The following PDE1C variants were observed in gnomAD, a reference collection of about 807,000 sequenced individuals.
The protein encoded by PDE1C is dual specificity calcium/calmodulin-dependent 3',5'-cyclic nucleotide phosphodiesterase 1C.
In PDE1C, 62 loss-of-function variants were observed where a neutral mutation model predicts 93.1. That is an observed-to-expected ratio of 0.67 (90% confidence interval 0.54 to 0.82). The LOEUF (loss-of-function observed/expected upper bound fraction) is 0.82, where lower values mean the gene tolerates loss of function less well. Among genes scored for constraint, PDE1C ranks in the 40% least tolerant of loss-of-function variants. The pLI is 0.00. For missense variants in PDE1C, 742 were observed against 884.6 expected (o/e 0.84, Z 2.04); for synonymous variants, 325 against 310.1 (o/e 1.05, Z -0.50).
intron 17 of PDE1C, among the ~76,000 whole-genome samples, chr7:31,761,969 A>G (rs1794858881): frequency 6.6e-6 from 1 of 152,226 alleles, no homozygotes; most frequent in South Asian, 2.1e-4. Context: ...AATATATCAT[A>G]CATGTGAAAA....
chr7:31,881,186 T>G (rs951857284), intron 2 of PDE1C, among the ~76,000 whole-genome samples: 6 of 152,224 alleles, frequency 3.9e-5, no homozygotes, highest in Admixed American at 6.5e-5. Flanking sequence ...TAGTAAAGCC[T>G]GACCAGCAGC....
intron 3 of PDE1C, among the ~76,000 whole-genome samples, chr7:32,167,260 G>C (rs761290571): frequency 6.6e-6 from 1 of 152,186 alleles, no homozygotes; most frequent in Non-Finnish European, 1.5e-5. Context: ...CACACATTTT[G>C]TCCTGGTAGT....
chr7:32,127,863 A>C (rs1799674896), intron 3 of PDE1C, among the ~76,000 whole-genome samples: 1 of 152,006 alleles, frequency 6.6e-6, no homozygotes, highest in Non-Finnish European at 1.5e-5. Flanking sequence ...TGTCAAAGAT[A>C]CTCTAAGTTT....
chr7:31,850,955 C>A, intron 7 of PDE1C: 1 of 491,412 alleles, frequency 2.0e-6, no homozygotes, highest in Non-Finnish European at 3.7e-6. Flanking sequence ...GTTGAATAAG[C>A]TAAGTAGTAG....
intron 1 of PDE1C, among the ~76,000 whole-genome samples, chr7:32,266,356 A>T (rs2128883171): frequency 6.6e-6 from 1 of 151,892 alleles, no homozygotes; most frequent in Non-Finnish European, 1.5e-5. Flanking sequence ...GTTGAGAACA[A>T]GTGGGACAAA....
chr7:31,967,098 T>A (rs7778712), intron 2 of PDE1C, among the ~76,000 whole-genome samples: 70,533 of 151,690 alleles, frequency 0.46, 18,371 homozygotes, highest in African/African-American at 0.71. Flanking sequence ...AAGGCAAGAA[T>A]TAACTAAGAT....
chr7:31,692,941 T>C, the PDE1C span, among the ~76,000 whole-genome samples: 1 of 152,326 alleles, frequency 6.6e-6, no homozygotes, highest in South Asian at 2.1e-4. Flanking sequence ...AAGACAGAAT[T>C]TTAAATAGCC....
chr7:32,173,627 G>T (rs554255255), intron 2 of PDE1C, among the ~76,000 whole-genome samples: 10 of 152,252 alleles, frequency 6.6e-5, no homozygotes, highest in African/African-American at 2.4e-4. Context: ...TCCTTATGGG[G>T]CATGAGGGAT....
At chr7:31,759,701 T>C (rs1345760315) in intron 17 of PDE1C, among the ~76,000 whole-genome samples, 1 of 152,250 alleles carries the variant, frequency 6.6e-6, no homozygotes, top group Non-Finnish European at 1.5e-5. Flanking sequence ...CCGTCCTTTA[T>C]TTTATAATTA....
intron 3 of PDE1C, among the ~76,000 whole-genome samples, chr7:32,114,549 C>G (rs6948312): frequency 6.6e-6 from 1 of 152,136 alleles, no homozygotes; most frequent in South Asian, 2.1e-4. Context: ...ATTCAGGACA[C>G]AGGCATGAGC....
At chr7:32,251,079 G>A (rs980892898) in intron 1 of PDE1C, among the ~76,000 whole-genome samples, 9 of 152,234 alleles carry the variant, frequency 5.9e-5, no homozygotes, top group Non-Finnish European at 8.8e-5. Context: ...GCACAAGCGC[G>A]CGTGCGCACA....
At chr7:31,809,464 C>G (rs1206801220) in intron 15 of PDE1C, among the ~76,000 whole-genome samples, 1 of 152,022 alleles carries the variant, frequency 6.6e-6, no homozygotes, top group Non-Finnish European at 1.5e-5. Context: ...GTTTTCCTAT[C>G]TGTAAAATGG....
rs149107688 is a variant in PDE1C, at chr7:31,968,267, G to C, written c.128+83287C>G. On this transcript the variant is annotated intron_variant, in intron 2 of 17. Transcript: ENST00000396191. ...ATAAGCAACTTCAGCTAAGTCTCAGGATACAAAATCAATGTGCAAAAATCA... is the reference window on the plus strand; with the variant it reads ...ATAAGCAACTTCAGCTAAGTCTCAGCATACAAAATCAATGTGCAAAAATCA... Among the ~76,000 whole-genome samples the C allele has an allele frequency of 3.6e-3, 548 of 152,216 alleles. 4 individuals carry two copies. The highest frequency in any genetic ancestry group is 0.012 in the African/African-American group (499 of 41,530).
chr7:32,376,500 G>C (rs936488575), intron 1 of PDE1C, among the ~76,000 whole-genome samples: 27 of 152,340 alleles, frequency 1.8e-4, no homozygotes, highest in African/African-American at 6.5e-4. Context: ...TGAATCCTCA[G>C]AAGGGATGGT....
chr7:31,837,998 A>G (rs1791338234), intron 9 of PDE1C, 27 bp from the exon 10 acceptor site: 1 of 1,445,422 alleles, frequency 6.9e-7, no homozygotes, highest in African/African-American at 1.4e-5. Flanking sequence ...TGGAGAAAAA[A>G]GGATGGAAGT....
chr7:32,236,197 G>A (rs1006986468), intron 1 of PDE1C, among the ~76,000 whole-genome samples: 1 of 151,836 alleles, frequency 6.6e-6, no homozygotes, highest in Non-Finnish European at 1.5e-5. Flanking sequence ...AATCTTTAAA[G>A]ACCACCTAAA....
intron 8 of PDE1C, among the ~76,000 whole-genome samples, chr7:31,848,843 G>A (rs1792955981): frequency 6.6e-6 from 1 of 152,184 alleles, no homozygotes; most frequent in African/African-American, 2.4e-5. Context: ...TGACAGTTGG[G>A]CCAGTGCTTC....
chr7:31,715,390 C>T, the PDE1C span, among the ~76,000 whole-genome samples: 892 of 152,176 alleles, frequency 5.9e-3, 7 homozygotes, highest in Admixed American at 0.013. Flanking sequence ...ACATGCCCAG[C>T]GCCACGCCCA....
chr7:31,872,024 T>C (rs186291140), intron 6 of PDE1C, among the ~76,000 whole-genome samples: 1 of 128,354 alleles, frequency 7.8e-6, no homozygotes, highest in African/African-American at 3.0e-5. Context: ...TATACAACCA[T>C]AATGGAATAC....
Sources: gnomAD v4.1 joint callset for allele counts (sites outside exome capture counted in the v4.1 genomes callset) on GRCh38, gnomAD v4.1.1 for gene constraint, MANE v1.5 for transcripts, NCBI Gene and HGNC (gene_info 2026-07-23, HGNC 2026-07-21) for gene names.